WDPCP: variants seen among roughly 807,000 people sequenced by gnomAD.
WDPCP encodes WD repeat containing planar cell polarity effector, also known as WD repeat-containing and planar cell polarity effector protein fritz homolog.
Under a neutral mutation model 93.1 loss-of-function variants are expected in WDPCP, and 71 were observed. The ratio of observed to expected loss-of-function variants is 0.76; its 90% CI spans 0.63 to 0.93. WDPCP has a LOEUF of 0.93. Among genes scored for constraint, WDPCP ranks in the 40% least tolerant of loss-of-function variants. The pLI, the probability that WDPCP is intolerant of heterozygous loss-of-function variation, is 0.00. For missense variants in WDPCP, 844 were observed against 887.4 expected (o/e 0.95, Z 0.62); for synonymous variants, 315 against 315.0 (o/e 1.00, Z 0.00).
At chr2:63,186,474 ATCC>A (rs1674647779) in intron 14 of WDPCP, among the ~76,000 whole-genome samples, 1 of 152,222 alleles carries the variant, frequency 6.6e-6, no homozygotes, top group Admixed American at 6.5e-5. Context: ...TGAGAAGAGC[ATCC>A]TCCTGTTAGA....
At chr2:63,555,449 G>A (rs1447072314) in intron 1 of WDPCP, among the ~76,000 whole-genome samples, 1 of 152,208 alleles carries the variant, frequency 6.6e-6, no homozygotes, top group Non-Finnish European at 1.5e-5. Context: ...CCAGGCCAGT[G>A]GGATTCCCCC....
chr2:63,773,950 G>T (rs972704567), intron 2 of WDPCP, among the ~76,000 whole-genome samples: 3 of 152,162 alleles, frequency 2.0e-5, no homozygotes, highest in Middle Eastern at 3.4e-3. Flanking sequence ...AAAAATACTA[G>T]CATTGTGAGG....
chr2:63,588,742 C>G (rs1709063759), upstream of WDPCP: 2 of 513,794 alleles, frequency 3.9e-6, no homozygotes, highest in Non-Finnish European at 7.0e-6. Context: ...TTGTTGTCGT[C>G]CTCCAATCAC....
chr2:63,285,791 G>A (rs1227892544), intron 13 of WDPCP, among the ~76,000 whole-genome samples: 2 of 152,124 alleles, frequency 1.3e-5, no homozygotes, highest in African/African-American at 4.8e-5. Context: ...CTATTTACTA[G>A]TTCTAAAGTA....
In WDPCP at chr2:63,611,351, G is replaced by A. The variant is rs114143162; in HGVS notation, n.488+39308C>T. On this transcript the variant is annotated intron_variant and non_coding_transcript_variant, in intron 3 of 4. Coordinates refer to the WDPCP transcript ENST00000467687. ...ACAGCAGATTTTTTTTAATACTGTT[G>A]AATCTAGTTTGTTATGAAAGCAGCA... Among the ~76,000 whole-genome samples the A allele has an allele frequency of 9.2e-3, 1,395 of 152,124 alleles. 11 individuals carry two copies. The highest frequency in any genetic ancestry group is 0.015 in the Non-Finnish European group (1,009 of 67,980).
chr2:63,411,729 C>A (rs548479425), intron 9 of WDPCP, among the ~76,000 whole-genome samples: 6 of 152,078 alleles, frequency 3.9e-5, no homozygotes, highest in Non-Finnish European at 8.8e-5. Flanking sequence ...TACAAAAGAT[C>A]ATTCAAGGCT....
At position 63,633,066 on chromosome 2, in the gene WDPCP, G is replaced by T. The variant is rs548102355; in HGVS notation, n.488+17593C>A. ...AACCTTATAGGCCAGGAGAGAGTGA[G>T]ATATATTCAAAGTCCTGAAAGAAAA... is the stretch of plus-strand genomic sequence containing the variant. On this transcript the variant is annotated intron_variant and non_coding_transcript_variant, in intron 3 of 4. Transcript: ENST00000467687. Among the ~76,000 whole-genome samples, 3 of 152,140 alleles carry T rather than the reference G, an allele frequency of 2.0e-5. No individual in the cohort carries two copies. In the East Asian group the frequency reaches 5.8e-4, roughly 29 times the overall value.
At chr2:63,473,683 T>A (rs1699812822) in intron 6 of WDPCP, among the ~76,000 whole-genome samples, 1 of 152,242 alleles carries the variant, frequency 6.6e-6, no homozygotes, top group African/African-American at 2.4e-5. Flanking sequence ...CACAGCCTTT[T>A]TATTCTCTTT....
intron 1 of WDPCP, among the ~76,000 whole-genome samples, chr2:63,585,408 T>C (rs896537940): frequency 6.6e-6 from 1 of 152,190 alleles, no homozygotes; most frequent in African/African-American, 2.4e-5. Flanking sequence ...AAAGTTTTTT[T>C]TTTCAGCTAA....
chr2:63,752,081 C>T (rs1669890784), intron 2 of WDPCP: 2 of 605,014 alleles, frequency 3.3e-6, no homozygotes, highest in Non-Finnish European at 6.1e-6. Flanking sequence ...CTATCCACCT[C>T]TTGTTTTGGC....
chr2:63,124,092 A>G (rs1456856850), intron 17 of WDPCP, among the ~76,000 whole-genome samples: 1 of 150,622 alleles, frequency 6.6e-6, no homozygotes. Context: ...GATAGGCATG[A>G]AGTTTTTTTT....
At chr2:63,382,212 G>A in intron 10 of WDPCP, 118 bp from the exon 11 acceptor site, 1 of 939,390 alleles carries the variant, frequency 1.1e-6, no homozygotes, top group South Asian at 1.5e-5. Context: ...CTAGAAATGT[G>A]GGACTGATCT....
At chr2:63,298,614 G>A (rs947769368) in intron 13 of WDPCP, among the ~76,000 whole-genome samples, 1 of 152,106 alleles carries the variant, frequency 6.6e-6, no homozygotes, top group Admixed American at 6.5e-5. Context: ...TACATCAGTG[G>A]TTTGCCAGGG....
chr2:63,705,439 C>A lies in WDPCP; in HGVS notation n.309-54601G>T, dbSNP rs191458034. On this transcript the variant is annotated intron_variant and non_coding_transcript_variant, in intron 2 of 4. Coordinates refer to the WDPCP transcript ENST00000467687. ...TGCTTTCTCTTGTGGGCATTTAGTG[C>A]TATAAATTTCCCTCCTCACACTGCT... 2.7e-3 allele frequency among the ~76,000 whole-genome samples: 413 copies of A among 152,246 alleles called. 1 individual carries two copies. Among genetic ancestry groups the A allele is most frequent in the Admixed American group, 3.5e-3 (53 of 15,288 alleles).
At chr2:63,753,788 A>G (rs1165151153) in intron 2 of WDPCP, among the ~76,000 whole-genome samples, 2 of 152,202 alleles carry the variant, frequency 1.3e-5, no homozygotes, top group African/African-American at 4.8e-5. Flanking sequence ...ACAATTCGAC[A>G]TGAGATTTGG....
chr2:63,647,962 T>C (rs966927847), intron 3 of WDPCP, among the ~76,000 whole-genome samples: 1 of 152,140 alleles, frequency 6.6e-6, no homozygotes, highest in Admixed American at 6.5e-5. Context: ...ATACTACCAT[T>C]TGAGAATGAA....
chr2:63,648,266 T>C (rs893841240), intron 3 of WDPCP, among the ~76,000 whole-genome samples: 2 of 152,214 alleles, frequency 1.3e-5, no homozygotes, highest in Admixed American at 6.5e-5. Flanking sequence ...CTAGCCACTC[T>C]AACTCCAATT....
At chr2:63,485,799 T>C (rs1173373163) in intron 4 of WDPCP, among the ~76,000 whole-genome samples, 1 of 151,830 alleles carries the variant, frequency 6.6e-6, no homozygotes. Flanking sequence ...TATTTGTGCT[T>C]ACATGTGTGT....
intron 1 of WDPCP, among the ~76,000 whole-genome samples, chr2:63,577,984 T>C (rs1708229178): frequency 6.6e-6 from 1 of 152,338 alleles, no homozygotes; most frequent in African/African-American, 2.4e-5. Context: ...AGTCTAGTTT[T>C]GGCTTCAGGA....
Sources: allele counts gnomAD v4.1 joint callset (sites outside exome capture counted in the v4.1 genomes callset), GRCh38; gene constraint gnomAD v4.1.1; transcripts MANE v1.5; gene names NCBI Gene and HGNC (gene_info 2026-07-23, HGNC 2026-07-21).